EFCAB13: variants seen among roughly 807,000 people sequenced by gnomAD.
EFCAB13 encodes the protein EF-hand calcium-binding domain-containing protein 13.
In EFCAB13, 91 loss-of-function variants were observed where a neutral mutation model predicts 110.2. That is an observed-to-expected ratio of 0.83 (90% CI 0.70 to 0.98). The LOEUF (loss-of-function observed/expected upper bound fraction) is 0.98. Ranked by LOEUF, EFCAB13 falls within the 50% of genes least tolerant of loss-of-function variation. EFCAB13 has a pLI of 0.00. For synonymous variants in EFCAB13, 323 were observed against 369.9 expected (o/e 0.87, Z 1.45); for missense variants, 968 against 1,119.4 (o/e 0.86, Z 1.93).
chr17:47,396,081 AAT>A, intron 17 of EFCAB13, 104 bp downstream of exon 17: 1 of 970,920 alleles, frequency 1.0e-6, no homozygotes, highest in African/African-American at 1.6e-5. Context: ...GGAGTGTTCG[AAT>A]ATGATTGAAA....
At chr17:47,326,934 T>C (rs1350322221) in intron 3 of EFCAB13, among the ~76,000 whole-genome samples, 1 of 152,212 alleles carries the variant, frequency 6.6e-6, no homozygotes, top group Admixed American at 6.5e-5. Flanking sequence ...ATTAGAATAT[T>C]AATACTTGCA....
intron 5 of EFCAB13, among the ~76,000 whole-genome samples, chr17:47,336,592 A>ATT (rs66495523): frequency 8.4e-5 from 10 of 119,540 alleles, no homozygotes; most frequent in Admixed American, 1.7e-4. Context: ...CACCTGGCCA[A>ATT]TTTTTTTTTT....
intron 21 of EFCAB13, among the ~76,000 whole-genome samples, chr17:47,412,280 GAAC>G (rs1194745090): frequency 1.3e-5 from 2 of 152,242 alleles, no homozygotes; most frequent in Non-Finnish European, 2.9e-5. Flanking sequence ...TCCAAGCCTT[GAAC>G]CTCTGTGCTG....
chr17:47,382,373 G>A (rs932761947), intron 14 of EFCAB13, among the ~76,000 whole-genome samples: 7 of 152,160 alleles, frequency 4.6e-5, no homozygotes, highest in Non-Finnish European at 7.3e-5. Context: ...GATTGCTGTG[G>A]GGAGAACTTC....
chr17:47,419,926 C>CCCTCTA lies in EFCAB13; in HGVS notation c.2494+5012_2494+5013insACCTCT, dbSNP rs921155970. 3.8e-4 allele frequency among the ~76,000 whole-genome samples: 57 copies of CCCTCTA among 151,818 alleles called. 1 individual carries two copies. Among genetic ancestry groups the CCCTCTA allele is most frequent in the Non-Finnish European group, 1.5e-4 (10 of 67,836 alleles). ...TATAAGAAATGTCCCCTCTCCCTCT[C>CCCTCTA]CCTCTCCCTCTCCCTCCCTCTCCCC... On this transcript the variant is annotated intron_variant, in intron 23 of 24. Coordinates refer to ENST00000331493, the MANE Select transcript of EFCAB13 (RefSeq NM_152347.5).
At chr17:47,385,126 T>A (rs1009819923) in intron 14 of EFCAB13, among the ~76,000 whole-genome samples, 4 of 152,160 alleles carry the variant, frequency 2.6e-5, no homozygotes, top group African/African-American at 7.2e-5. Context: ...TGCCTTAGGG[T>A]TGCTCTTCTC....
chr17:47,398,428 A>T (rs1199650067), intron 17 of EFCAB13, among the ~76,000 whole-genome samples: 2 of 151,380 alleles, frequency 1.3e-5, no homozygotes, highest in Non-Finnish European at 3.0e-5. Flanking sequence ...AAGGGGGGAA[A>T]GGTGGGGAAA....
intron 24 of EFCAB13, among the ~76,000 whole-genome samples, chr17:47,437,460 T>C (rs1905235260): frequency 1.3e-5 from 2 of 152,180 alleles, no homozygotes; most frequent in Admixed American, 1.3e-4. Flanking sequence ...GGCACATATA[T>C]GTTTAGAATT....
chr17:47,409,668 A>G lies in EFCAB13; in HGVS notation c.2255A>G (p.Asn752Ser). 6.2e-7 allele frequency: 1 copy of G among 1,611,388 alleles called. No individual in the cohort carries two copies. Among genetic ancestry groups the G allele is most frequent in the Non-Finnish European group, 8.5e-7 (1 of 1,177,738 alleles). Residue 752 changes from asparagine (N) to serine (S), a missense_variant, in exon 21 of 25, where the codon AAT (asparagine) becomes AGT (serine). By Grantham distance (46) the Asn-to-Ser change is conservative (BLOSUM62 1). Transcript: ENST00000331493. ...NYIDFRKEAS[N>S]LKLPKVNEIK... is the part of the protein sequence containing the mutation. ...GCAGATTTCAGGAAAGAGGCTTCAA[A>G]TCTAAAATTACCAAAGGTAAACGGT...
Position 47,440,701 on chromosome 17 carries a change from A to T in EFCAB13, c.2909A>T (p.Asn970Ile). The T allele has an allele frequency of 6.4e-7, 1 of 1,561,978 alleles. No homozygotes were observed. The highest frequency in any genetic ancestry group is 8.6e-7 in the Non-Finnish European group (1 of 1,159,560). The change falls in exon 25 of 25, where the codon AAC becomes ATC. Residue 970 changes from asparagine to isoleucine, a missense_variant. Asn to Ile is a moderately radical substitution (Grantham distance 149). Transcript: ENST00000331493. The stretch of plus-strand genomic sequence containing the variant: ...GCAAATATTGCTAAGCTTAACCCAA[A>T]CTCAAAATTTTAGGTAGTCTTACTT... ...SKANIAKLNPNSKF is the reference protein window; with the variant it reads ...SKANIAKLNPISKF
At chr17:47,380,371 G>T (rs1292387830) in intron 14 of EFCAB13, among the ~76,000 whole-genome samples, 2 of 152,128 alleles carry the variant, frequency 1.3e-5, no homozygotes, top group Non-Finnish European at 2.9e-5. Context: ...GAGGATGATG[G>T]TTTCCAGCTT....
intron 17 of EFCAB13, among the ~76,000 whole-genome samples, chr17:47,397,883 G>A (rs537634531): frequency 2.8e-4 from 42 of 151,762 alleles, no homozygotes; most frequent in African/African-American, 8.7e-4. Context: ...AGTGAGGAGC[G>A]TCTCCACCCA....
At chr17:47,416,389 G>C (rs1429338723) in intron 23 of EFCAB13, among the ~76,000 whole-genome samples, 1 of 151,650 alleles carries the variant, frequency 6.6e-6, no homozygotes, top group African/African-American at 2.4e-5. Context: ...GTATTTTTTT[G>C]TGTCTAACTT....
At chr17:47,334,841 G>A (rs2065339830) in intron 4 of EFCAB13, among the ~76,000 whole-genome samples, 1 of 152,100 alleles carries the variant, frequency 6.6e-6, no homozygotes, top group African/African-American at 2.4e-5. Context: ...CTTGAGCCTG[G>A]GAGGTCAAGG....
At chr17:47,388,424 G>T (rs962327022) in intron 14 of EFCAB13, among the ~76,000 whole-genome samples, 2 of 152,170 alleles carry the variant, frequency 1.3e-5, no homozygotes, top group Non-Finnish European at 2.9e-5. Context: ...TTCAGCTTCA[G>T]ATGTGAGTTC....
intron 10 of EFCAB13, among the ~76,000 whole-genome samples, chr17:47,367,902 TCA>T (rs1176872362): frequency 2.0e-5 from 3 of 152,216 alleles, no homozygotes; most frequent in Non-Finnish European, 4.4e-5. Flanking sequence ...GAGAACAAAG[TCA>T]CAGTTGTTCT....
chr17:47,342,087 C>A, intron 6 of EFCAB13, 55 bp downstream of exon 6: 1 of 997,554 alleles, frequency 1.0e-6, no homozygotes, highest in Non-Finnish European at 1.5e-6. Flanking sequence ...CCTTAGCCCT[C>A]AAACATTCCC....
At chr17:47,327,932 A>G in intron 3 of EFCAB13, 1 of 259,208 alleles carries the variant, frequency 3.9e-6, no homozygotes, top group South Asian at 1.4e-4. Context: ...AGCACACAGT[A>G]AGCATTCAGT....
chr17:47,372,179 C>T (rs2065588280), intron 11 of EFCAB13, among the ~76,000 whole-genome samples: 1 of 151,794 alleles, frequency 6.6e-6, no homozygotes, highest in South Asian at 2.1e-4. Flanking sequence ...TTATTTTTCT[C>T]TTCTTTTGTG....
Sources: gnomAD v4.1 joint callset for allele counts (sites outside exome capture counted in the v4.1 genomes callset) on GRCh38, gnomAD v4.1.1 for gene constraint, MANE v1.5 for transcripts, NCBI Gene and HGNC (gene_info 2026-07-23, HGNC 2026-07-21) for gene names.